The following GTF2F2 variants were observed in gnomAD, a reference collection of about 807,000 sequenced individuals.
The protein encoded by GTF2F2 is ATP-dependent helicase GTF2F2.
GTF2F2 carries 23 observed loss-of-function variants against 42.2 expected under a neutral mutation model. The observed-to-expected ratio is 0.55, with a 90% CI of 0.39 to 0.77. The LOEUF is 0.77. GTF2F2 is among the 30% of genes least tolerant of loss of function. GTF2F2 has a pLI of 0.00. For missense variants in GTF2F2, 261 were observed against 287.2 expected (o/e 0.91, Z 0.66); for synonymous variants, 105 against 100.8 (o/e 1.04, Z -0.25).
intron 5 of GTF2F2, among the ~76,000 whole-genome samples, chr13:45,245,676 TATATATATATATATATATATATATAC>T (rs1223285913): frequency 0.024 from 2,698 of 110,182 alleles, 86 homozygotes; most frequent in African/African-American, 0.12. Flanking sequence ...AATATATATA[TATATATATATATATATATATATATAC>T]ATATACATAC....
chr13:45,201,220 G>A (rs529400016), intron 4 of GTF2F2, among the ~76,000 whole-genome samples: 1 of 152,266 alleles, frequency 6.6e-6, no homozygotes, highest in South Asian at 2.1e-4. Context: ...CTTTGACATA[G>A]AGTGTATGTC....
chr13:45,161,830 C>T (rs1044614706), intron 4 of GTF2F2, among the ~76,000 whole-genome samples: 4 of 152,050 alleles, frequency 2.6e-5, no homozygotes, highest in Non-Finnish European at 4.4e-5. Context: ...GCAACAAGAG[C>T]GAAACTCTGT....
intron 4 of GTF2F2, among the ~76,000 whole-genome samples, chr13:45,171,616 A>G (rs188635414): frequency 7.9e-5 from 12 of 152,354 alleles, no homozygotes; most frequent in African/African-American, 2.9e-4. Flanking sequence ...AAAAAATTAC[A>G]GCTTTATTGA....
At chr13:45,193,652 G>A in intron 4 of GTF2F2, 1 of 743,390 alleles carries the variant, frequency 1.3e-6, no homozygotes, top group South Asian at 2.0e-5. Context: ...CATACCGTTA[G>A]CTCACAGTAA....
Position 45,283,800 on chromosome 13 carries a change from A to C in GTF2F2, c.*239A>C, listed in dbSNP as rs951368055. ...ATTAAACCAGATTATTCACAGTAGG[A>C]ATAGGGGTTGGAGGATTAAGAGGGT... On this transcript the variant is annotated 3_prime_UTR_variant, in exon 8 of 8. Transcript: ENST00000340473. The C allele has an allele frequency of 8.9e-6, 2 of 224,910 alleles. No homozygotes were observed. Among genetic ancestry groups the C allele is most frequent in the Non-Finnish European group, 1.7e-5 (2 of 115,178 alleles). 13.9% of individuals were successfully genotyped at this position (224,910 alleles called of 1,614,324 possible).
intron 2 of GTF2F2, among the ~76,000 whole-genome samples, chr13:45,147,395 A>G (rs749594081): frequency 6.6e-6 from 1 of 152,154 alleles, no homozygotes; most frequent in Non-Finnish European, 1.5e-5. Flanking sequence ...TCTGCCTTAA[A>G]CAGGTAGCTA....
In GTF2F2 at chr13:45,179,851, G is replaced by A. The variant is rs567452458; in HGVS notation, c.305-27573G>A. Among the ~76,000 whole-genome samples the A allele has an allele frequency of 1.1e-4, 17 of 152,198 alleles. No individual in the cohort carries two copies. The East Asian group carries it at 3.1e-3, about 28-fold the overall frequency. ...ATAGACCAGCATAGTTAATTTACTC[G>A]AAATAACAGATGAAAAAGAACTGAA... On this transcript the variant is annotated intron_variant, in intron 4 of 7. Coordinates refer to ENST00000340473, the MANE Select transcript of GTF2F2 (RefSeq NM_004128.3).
chr13:45,127,485 C>T (rs1566107487), intron 1 of GTF2F2, among the ~76,000 whole-genome samples: 1 of 148,944 alleles, frequency 6.7e-6, no homozygotes, highest in Non-Finnish European at 1.5e-5. Flanking sequence ...GTCACCACGC[C>T]CAACTAATTT....
intron 4 of GTF2F2, among the ~76,000 whole-genome samples, chr13:45,186,232 C>T (rs562499788): frequency 1.3e-5 from 2 of 151,610 alleles, no homozygotes; most frequent in African/African-American, 4.8e-5. Flanking sequence ...ACCTTGGCCT[C>T]CCAAAGTGCT....
chr13:45,164,100 C>T (rs1323719188), intron 4 of GTF2F2, among the ~76,000 whole-genome samples: 3 of 151,974 alleles, frequency 2.0e-5, no homozygotes, highest in South Asian at 2.1e-4. Context: ...GCCAACTTGG[C>T]GAAACCCCGT....
chr13:45,234,041 C>T (rs963333846), intron 5 of GTF2F2, among the ~76,000 whole-genome samples: 1 of 152,156 alleles, frequency 6.6e-6, no homozygotes, highest in African/African-American at 2.4e-5. Context: ...GCAACATTTG[C>T]AAAGATGGCC....
intron 5 of GTF2F2, among the ~76,000 whole-genome samples, chr13:45,216,861 T>C (rs973374792): frequency 2.0e-5 from 3 of 151,898 alleles, no homozygotes; most frequent in African/African-American, 4.8e-5. Context: ...AGGAATTTCC[T>C]TGTGGGGGTC....
chr13:45,275,904 T>C (rs1566159446), intron 7 of GTF2F2, among the ~76,000 whole-genome samples: 3 of 152,210 alleles, frequency 2.0e-5, no homozygotes, highest in Admixed American at 6.5e-5. Context: ...GTTGAACTAG[T>C]TTACAGTCCC....
At chr13:45,196,232 G>A (rs555882346) in intron 4 of GTF2F2, among the ~76,000 whole-genome samples, 1 of 152,290 alleles carries the variant, frequency 6.6e-6, no homozygotes, top group South Asian at 2.1e-4. Context: ...TTTGCTTAGA[G>A]ACTGTGAAAT....
intron 5 of GTF2F2, among the ~76,000 whole-genome samples, chr13:45,231,715 C>A (rs1170186423): frequency 6.6e-6 from 1 of 152,086 alleles, no homozygotes; most frequent in Admixed American, 6.6e-5. Flanking sequence ...CTAGTTAGCA[C>A]AAGAAAACTT....
chr13:45,134,546 G>C (rs1026559770), intron 1 of GTF2F2, among the ~76,000 whole-genome samples: 26 of 152,062 alleles, frequency 1.7e-4, no homozygotes, highest in African/African-American at 5.1e-4. Flanking sequence ...TCTTTAAGTG[G>C]GTTTTCTGTC....
chr13:45,204,906 C>G (rs1873351436), intron 4 of GTF2F2, among the ~76,000 whole-genome samples: 1 of 152,166 alleles, frequency 6.6e-6, no homozygotes, highest in African/African-American at 2.4e-5. Context: ...TGTTATTGCT[C>G]TGTGTGAGTG....
intron 7 of GTF2F2, among the ~76,000 whole-genome samples, chr13:45,278,937 C>T (rs1019268614): frequency 6.8e-6 from 1 of 146,818 alleles, no homozygotes; most frequent in Admixed American, 7.0e-5. Context: ...GATTATCCTG[C>T]CTCAGCCTCC....
At chr13:45,274,978 T>C (rs1432687881) in intron 7 of GTF2F2, among the ~76,000 whole-genome samples, 5 of 152,022 alleles carry the variant, frequency 3.3e-5, no homozygotes, top group African/African-American at 1.2e-4. Flanking sequence ...AACACCATAA[T>C]CAATTTTAGA....
Sources: allele counts gnomAD v4.1 joint callset (sites outside exome capture counted in the v4.1 genomes callset), GRCh38; gene constraint gnomAD v4.1.1; transcripts MANE v1.5; gene names NCBI Gene and HGNC (gene_info 2026-07-23, HGNC 2026-07-21).